The following FAT1 variants were observed in gnomAD, a reference collection of about 807,000 sequenced individuals.
The protein encoded by FAT1 is protocadherin Fat 1.
Under a neutral mutation model 329.8 loss-of-function variants are expected in FAT1, and 171 were observed. The observed-to-expected ratio is 0.52, with a 90% CI of 0.46 to 0.59. The LOEUF (loss-of-function observed/expected upper bound fraction) is 0.59. Among genes scored for constraint, FAT1 ranks in the 20% least tolerant of loss-of-function variants. The pLI, the probability that FAT1 is intolerant of heterozygous loss-of-function variation, is 0.00. For synonymous variants in FAT1, 2,233 were observed against 2,228.6 expected (o/e 1.00, Z -0.06); for missense variants, 5,672 against 5,774.4 (o/e 0.98, Z 0.57).
intron 2 of FAT1, among the ~76,000 whole-genome samples, chr4:186,693,437 ATTTGCTGC>A (rs1168258284): frequency 6.9e-6 from 1 of 145,102 alleles, no homozygotes; most frequent in African/African-American, 2.6e-5. Context: ...GGCCCAGCGG[ATTTGCTGC>A]TTTCCTCGAG....
Position 186,588,899 on chromosome 4 carries a change from T to C in FAT1, c.13460A>G (p.Asn4487Ser). 6.2e-7 allele frequency: 1 copy of C among 1,613,978 alleles called. No homozygotes were observed. The highest frequency in any genetic ancestry group is 8.5e-7 in the Non-Finnish European group (1 of 1,179,874). The part of the protein sequence containing the change: ...SSRNRQRFNL[N>S]QYLPNFYPLD... ...GGGATAAAAATTGGGCAAATACTGA[T>C]TCAAGTTGAACCTCTGCCGGTTTCT... Residue 4487 changes from asparagine to serine, a missense_variant, in exon 27 of 27, where the codon AAT (asparagine) becomes AGT (serine). Physicochemically the swap from Asn to Ser is conservative, Grantham distance 46. Coordinates refer to ENST00000441802, the MANE Select transcript of FAT1 (RefSeq NM_005245.4).
chr4:186,611,997 G>C (rs141139001), intron 13 of FAT1, among the ~76,000 whole-genome samples: 1 of 151,634 alleles, frequency 6.6e-6, no homozygotes, highest in Non-Finnish European at 1.5e-5. Context: ...TTTTATTAGA[G>C]ACGGGGTTTC....
intron 3 of FAT1, among the ~76,000 whole-genome samples, 194 bp downstream of exon 3, chr4:186,663,105 G>A (rs1471993998): frequency 1.3e-5 from 2 of 152,078 alleles, no homozygotes; most frequent in African/African-American, 4.8e-5. Context: ...CAAAGTGCTG[G>A]GATTACAGGC....
intron 2 of FAT1, among the ~76,000 whole-genome samples, chr4:186,664,809 G>A (rs1014752440): frequency 6.6e-6 from 1 of 152,104 alleles, no homozygotes; most frequent in Non-Finnish European, 1.5e-5. Context: ...GGTACAGGCT[G>A]GACTCTGGAA....
chr4:186,639,904 G>A, intron 3 of FAT1, 121 bp from the exon 4 acceptor site: 1 of 747,494 alleles, frequency 1.3e-6, no homozygotes, highest in South Asian at 1.8e-5. Flanking sequence ...CACTTTGGGA[G>A]GCCCAGGGGG....
Position 186,596,182 on chromosome 4 carries a change from A to C in FAT1, c.13001-356T>G, listed in dbSNP as rs1738501162. 6.6e-6 allele frequency among the ~76,000 whole-genome samples: 1 copy of C among 152,202 alleles called. No individual in the cohort carries two copies. Among genetic ancestry groups the C allele is most frequent in the South Asian group, 2.1e-4 (1 of 4,838 alleles). On this transcript the variant is annotated intron_variant, in intron 25 of 26. Transcript: ENST00000441802. The surrounding 1 kb of genome is among the most constrained non-coding windows in gnomAD (Gnocchi z 4.7). ...TTAGGTCACTAATATAAATATTTCC[A>C]CTTCGCCAGGTCATATTTTTAAAAA...
Position 186,588,434 on chromosome 4 carries a change from TG to T in FAT1, c.*157del. 1.2e-6 allele frequency: 1 copy of T among 832,998 alleles called. No individual in the cohort carries two copies. The highest frequency in any genetic ancestry group is 1.8e-6 in the Non-Finnish European group (1 of 553,172). The allele number at this position is 832,998 out of a possible 1,614,324, so 51.6% of individuals were successfully genotyped here. ...CTCACGATGACAGTAGTTGGGACAC[TG>T]GAAATGGCTAGCACGTCCAGAGGCG... is the stretch of plus-strand genomic sequence containing the variant. On this transcript the variant is annotated 3_prime_UTR_variant, in exon 27 of 27. Coordinates refer to ENST00000441802, the MANE Select transcript of FAT1 (RefSeq NM_005245.4).
rs561262271 is a variant in FAT1 at position 186,596,376 on chromosome 4, A to G, written c.13000+164T>C. On this transcript the variant is annotated intron_variant, in intron 25 of 26. Transcript: ENST00000441802. The surrounding 1 kb of genome is among the most constrained non-coding windows in gnomAD (Gnocchi z 4.7). ...AAATAACATCAAAGCCACAATGCTA[A>G]CCCAGCAATCGGGACATCCAAAAAA... Among the ~76,000 whole-genome samples the G allele has an allele frequency of 1.3e-5, 2 of 152,244 alleles. No homozygotes were observed. Among genetic ancestry groups the G allele is most frequent in the Non-Finnish European group, 2.9e-5 (2 of 68,046 alleles).
At chr4:186,699,564 C>T (rs1744201922) in intron 2 of FAT1, among the ~76,000 whole-genome samples, 1 of 152,174 alleles carries the variant, frequency 6.6e-6, no homozygotes, top group Non-Finnish European at 1.5e-5. Context: ...CAAGTACAGG[C>T]ATGTGCCCTT....
chr4:186,644,246 G>A (rs539124204), intron 3 of FAT1, among the ~76,000 whole-genome samples: 2 of 152,094 alleles, frequency 1.3e-5, no homozygotes, highest in Non-Finnish European at 2.9e-5. Context: ...GAAAAAACCA[G>A]GAATGACTCA....
intron 4 of FAT1, among the ~76,000 whole-genome samples, chr4:186,637,359 T>TA (rs1164410864): frequency 2.0e-5 from 3 of 152,246 alleles, no homozygotes; most frequent in African/African-American, 7.2e-5. Flanking sequence ...TATATCATGT[T>TA]AAAAATGTTA....
At chr4:186,630,802 T>C (rs1408502062) in intron 7 of FAT1, among the ~76,000 whole-genome samples, 3 of 151,972 alleles carry the variant, frequency 2.0e-5, no homozygotes, top group Non-Finnish European at 4.4e-5. Context: ...GGAGCCGGGA[T>C]TCAAACCAAG....
rs559870740 is a variant in FAT1 at position 186,715,067 on chromosome 4, G to A, written c.-18-5222C>T. ...CACTCCAGCCTAGGTGACAGAGCAA[G>A]ACTCTGTCTCAAAAACAAAAAAAAA... On this transcript the variant is annotated intron_variant, in intron 1 of 26. Transcript: ENST00000441802. Among the ~76,000 whole-genome samples, 161 of 147,016 alleles carry A rather than the reference G, an allele frequency of 1.1e-3. 1 individual carries two copies. Among genetic ancestry groups the A allele is most frequent in the Admixed American group, 7.4e-4 (11 of 14,908 alleles).
In FAT1 at chr4:186,708,382, G is replaced by C; in HGVS notation, c.1446C>G (p.Val482=). The C allele has an allele frequency of 6.2e-7, 1 of 1,613,928 alleles. No individual in the cohort carries two copies. Among genetic ancestry groups the C allele is most frequent in the South Asian group, 1.1e-5 (1 of 91,074 alleles). ...CAGGGTCTACGGCACTCAGGCTCAT[G>C]ACAGTAGTACCAATGGGCACGTTCT... is the stretch of plus-strand genomic sequence containing the variant. The part of the protein sequence containing the change: ...FDENVPIGTT[V]MSLSAVDPDE... Residue 482 remains valine, a synonymous_variant, in exon 2 of 27, where the codon GTC becomes GTG. Transcript: ENST00000441802.
At chr4:186,640,101 T>G (rs1400083749) in intron 3 of FAT1, among the ~76,000 whole-genome samples, 1 of 152,156 alleles carries the variant, frequency 6.6e-6, no homozygotes, top group Non-Finnish European at 1.5e-5. Flanking sequence ...CTCTCCAGCC[T>G]GGGCAACAAA....
rs575605438 is a variant in FAT1 at position 186,673,097 on chromosome 4, TATG to T, written c.3266-9487_3266-9485del. On this transcript the variant is annotated intron_variant, in intron 2 of 26. Coordinates refer to ENST00000441802, the MANE Select transcript of FAT1 (RefSeq NM_005245.4). ...TATAAACGTATAAAAGTATATAAAA[TATG>T]ATGCTACTGCTGTTCAGAAAAATTT... Among the ~76,000 whole-genome samples the T allele has an allele frequency of 4.1e-3, 627 of 152,242 alleles. 5 individuals carry two copies. Among genetic ancestry groups the T allele is most frequent in the African/African-American group, 0.014 (591 of 41,546 alleles).
intron 2 of FAT1, among the ~76,000 whole-genome samples, chr4:186,673,903 G>GGT (rs1257295806): frequency 9.3e-4 from 142 of 152,242 alleles, no homozygotes; most frequent in African/African-American, 3.3e-3. Flanking sequence ...TTGTGGATAA[G>GGT]CTCTACTGTT....
At chr4:186,609,447 T>C in intron 15 of FAT1, 127 bp from the exon 16 acceptor site, 1 of 1,137,094 alleles carries the variant, frequency 8.8e-7, no homozygotes, top group Non-Finnish European at 1.2e-6. Flanking sequence ...GATGGAGCCT[T>C]GCTCTGTCAC....
At chr4:186,682,291 C>A (rs541519950) in intron 2 of FAT1, among the ~76,000 whole-genome samples, 1 of 152,258 alleles carries the variant, frequency 6.6e-6, no homozygotes, top group East Asian at 1.9e-4. Context: ...CTTTGGGAGA[C>A]TAAGGCGGGT....
Sources: gnomAD v4.1 joint callset for allele counts (sites outside exome capture counted in the v4.1 genomes callset) on GRCh38, gnomAD v4.1.1 for gene constraint, Gnocchi (gnomAD v3.1) non-coding constraint, MANE v1.5 for transcripts, NCBI Gene and HGNC (gene_info 2026-07-23, HGNC 2026-07-21) for gene names.